Variants in WWOX observed in about 807,000 individuals in gnomAD.
The protein encoded by WWOX is WW domain-containing oxidoreductase.
A neutral mutation model predicts 46.2 loss-of-function variants in WWOX; 69 were observed. The ratio of observed to expected loss-of-function variants is 1.49; its 90% CI spans 1.23 to 1.82. The LOEUF (loss-of-function observed/expected upper bound fraction) is 1.82. Among genes scored for constraint, WWOX ranks in the 40% most tolerant of loss-of-function variants. The pLI is 0.00. For missense variants in WWOX, 919 were observed against 542.6 expected (o/e 1.69, Z -6.89); for synonymous variants, 359 against 202.6 (o/e 1.77, Z -6.56).
At chr16:78,910,982 A>T (rs2045095274) in intron 8 of WWOX, among the ~76,000 whole-genome samples, 1 of 152,050 alleles carries the variant, frequency 6.6e-6, no homozygotes, top group African/African-American at 2.4e-5. Flanking sequence ...TGTGCACAAT[A>T]TATATGTGCA....
intron 7 of WWOX, among the ~76,000 whole-genome samples, chr16:78,426,855 G>T (rs1597067765): frequency 1.3e-5 from 2 of 152,084 alleles, no homozygotes; most frequent in Non-Finnish European, 2.9e-5. Context: ...GTAGAGACGG[G>T]GTTTCACCAT....
At chr16:79,129,999 G>C (rs546149246) in intron 8 of WWOX, among the ~76,000 whole-genome samples, 1 of 152,326 alleles carries the variant, frequency 6.6e-6, no homozygotes, top group South Asian at 2.1e-4. Context: ...AATAAAAACA[G>C]CTAATATTTA....
At chr16:78,245,898 A>G (rs1031083856) in intron 5 of WWOX, among the ~76,000 whole-genome samples, 3 of 152,238 alleles carry the variant, frequency 2.0e-5, no homozygotes, top group Non-Finnish European at 4.4e-5. Flanking sequence ...TCTCCATTCC[A>G]GAAAGGAGAA....
At chr16:78,683,380 A>T (rs1018845161) in intron 8 of WWOX, among the ~76,000 whole-genome samples, 10 of 151,086 alleles carry the variant, frequency 6.6e-5, no homozygotes, top group African/African-American at 2.4e-4. Flanking sequence ...TCTACTAAAA[A>T]CATTAAAAAA....
At chr16:78,934,357 A>C (rs1407612251) in intron 8 of WWOX, among the ~76,000 whole-genome samples, 1 of 149,504 alleles carries the variant, frequency 6.7e-6, no homozygotes, top group African/African-American at 2.5e-5. Flanking sequence ...AAAAAGAAGA[A>C]ACTTAGCCAG....
chr16:78,630,735 G>T (rs1001714032), intron 8 of WWOX, among the ~76,000 whole-genome samples: 1 of 152,108 alleles, frequency 6.6e-6, no homozygotes, highest in Non-Finnish European at 1.5e-5. Context: ...AGTCTTATGA[G>T]TCTTCCTTGC....
At chr16:78,850,627 A>G (rs1340629685) in intron 8 of WWOX, among the ~76,000 whole-genome samples, 2 of 152,062 alleles carry the variant, frequency 1.3e-5, no homozygotes, top group Non-Finnish European at 2.9e-5. Flanking sequence ...TACCATCACC[A>G]TCCTTGTTCA....
At chr16:78,265,603 G>A (rs1017915740) in intron 5 of WWOX, among the ~76,000 whole-genome samples, 28 of 151,784 alleles carry the variant, frequency 1.8e-4, no homozygotes, top group Non-Finnish European at 3.4e-4. Flanking sequence ...GCTTGAGTCT[G>A]GGAGGCGGAG....
intron 8 of WWOX, among the ~76,000 whole-genome samples, chr16:78,971,282 G>A (rs1395413525): frequency 6.6e-6 from 1 of 151,590 alleles, no homozygotes; most frequent in East Asian, 1.9e-4. Context: ...TGGCCAACAT[G>A]GTGAAATCCC....
At chr16:78,721,945 G>A (rs1471891055) in intron 8 of WWOX, among the ~76,000 whole-genome samples, 7 of 152,202 alleles carry the variant, frequency 4.6e-5, no homozygotes, top group Non-Finnish European at 8.8e-5. Context: ...ACTTTCCTTT[G>A]CTACTTTTTG....
intron 8 of WWOX, among the ~76,000 whole-genome samples, chr16:78,544,663 G>A (rs558805448): frequency 2.0e-5 from 3 of 152,196 alleles, no homozygotes; most frequent in Non-Finnish European, 2.9e-5. Context: ...ACTTGAGTCC[G>A]GGAGTTTGAG....
intron 8 of WWOX, among the ~76,000 whole-genome samples, chr16:78,662,419 C>T (rs543634060): frequency 6.6e-6 from 1 of 152,102 alleles, no homozygotes; most frequent in East Asian, 1.9e-4. Context: ...AGAGAATTTT[C>T]TAGCTTTATG....
intron 8 of WWOX, among the ~76,000 whole-genome samples, chr16:78,940,209 T>C (rs1197167974): frequency 6.6e-6 from 1 of 152,228 alleles, no homozygotes; most frequent in Non-Finnish European, 1.5e-5. Flanking sequence ...CATTATAAAT[T>C]CGAGTAACAG....
At chr16:78,349,092 G>A (rs1252689233) in intron 5 of WWOX, among the ~76,000 whole-genome samples, 1 of 120,020 alleles carries the variant, frequency 8.3e-6, no homozygotes, top group Admixed American at 8.1e-5. Flanking sequence ...CAAGGTCAAG[G>A]TTCCGGCACA....
rs374291953 is a variant in WWOX, at chr16:78,328,699, T to C, written c.517-58161T>C. Reference sequence around the variant, plus strand: ...TGATAATGCTGATGTGACTGGACTTTTGACAAGCAGTCTGGGACTTCTGCT... The same window carrying C: ...TGATAATGCTGATGTGACTGGACTTCTGACAAGCAGTCTGGGACTTCTGCT... On this transcript the variant is annotated intron_variant, in intron 5 of 8. Coordinates refer to ENST00000566780, the MANE Select transcript of WWOX (RefSeq NM_016373.4). Among the ~76,000 whole-genome samples the C allele has an allele frequency of 3.7e-4, 56 of 152,294 alleles. 3 individuals are homozygous for C. The highest frequency in any genetic ancestry group is 1.7e-3 in the East Asian group (9 of 5,178).
chr16:78,424,411 C>G (rs556098853), intron 6 of WWOX, among the ~76,000 whole-genome samples: 1 of 152,128 alleles, frequency 6.6e-6, no homozygotes, highest in Admixed American at 6.5e-5. Flanking sequence ...TGAGCCCCCG[C>G]GCCTGGCCCT....
At chr16:78,957,320 G>T (rs1283605494) in intron 8 of WWOX, among the ~76,000 whole-genome samples, 1 of 152,218 alleles carries the variant, frequency 6.6e-6, no homozygotes, top group Non-Finnish European at 1.5e-5. Flanking sequence ...ATCTAATGAT[G>T]CTGTTTTGAG....
At chr16:78,106,626 G>T (rs1283778179) in intron 1 of WWOX, among the ~76,000 whole-genome samples, 1 of 152,028 alleles carries the variant, frequency 6.6e-6, no homozygotes. Context: ...ATGTTGTTCA[G>T]GCTGGTCGCG....
At chr16:78,688,926 T>A (rs535592631) in intron 8 of WWOX, among the ~76,000 whole-genome samples, 1 of 152,146 alleles carries the variant, frequency 6.6e-6, no homozygotes, top group Admixed American at 6.6e-5. Context: ...TTTCCTCCTT[T>A]GCTTGGCACC....
Sources: gnomAD v4.1 joint callset for allele counts (sites outside exome capture counted in the v4.1 genomes callset) on GRCh38, gnomAD v4.1.1 for gene constraint, MANE v1.5 for transcripts, NCBI Gene and HGNC (gene_info 2026-07-23, HGNC 2026-07-21) for gene names.